FGD3: variants seen among roughly 807,000 people sequenced by gnomAD.
FGD3 encodes FYVE, RhoGEF and PH domain containing 3.
Under a neutral mutation model 71.8 loss-of-function variants are expected in FGD3, and 45 were observed. That is an observed-to-expected ratio of 0.63 (90% confidence interval 0.49 to 0.80). FGD3 has a LOEUF of 0.80. Ranked by LOEUF, FGD3 falls within the 30% of genes least tolerant of loss-of-function variation. FGD3 has a pLI of 0.00. For missense variants in FGD3, 844 were observed against 951.5 expected, an observed-to-expected ratio of 0.89 and a Z score of 1.49; for synonymous variants, 378 against 392.8, an observed-to-expected ratio of 0.96 and a Z score of 0.44.
intron 1 of FGD3, among the ~76,000 whole-genome samples, chr9:92,957,718 G>A (rs147529421): frequency 0.036 from 4,249 of 119,492 alleles, 101 homozygotes; most frequent in Middle Eastern, 0.079. Flanking sequence ...TCGCTCTGTT[G>A]CCCAGGCTGG....
chr9:93,002,759 A>G (rs1860902968), intron 3 of FGD3, among the ~76,000 whole-genome samples, 166 bp from the exon 4 acceptor site: 1 of 152,166 alleles, frequency 6.6e-6, no homozygotes, highest in African/African-American at 2.4e-5. Context: ...ATGAGAACTG[A>G]GCACCACATC....
chr9:92,976,539 G>A lies in FGD3; in HGVS notation c.283G>A (p.Gly95Ser), dbSNP rs757245016. Residue 95 changes from glycine to serine, a missense_variant, in exon 3 of 18, where the codon GGC (glycine) becomes AGC (serine). Physicochemically the swap from Gly to Ser is moderately conservative, Grantham distance 56. Transcript: ENST00000375482. ...VAGENFPCEEGLEAGPSPTVL... is the reference protein window; with the variant it reads ...VAGENFPCEESLEAGPSPTVL... ...TGGAGAGAACTTTCCCTGCGAGGAG[G>A]GCTTGGAGGCTGGCCCAAGCCCCAC... is the stretch of plus-strand genomic sequence containing the variant. 1 of 1,612,638 alleles carries A rather than the reference G, an allele frequency of 6.2e-7. No individual in the cohort carries two copies. Among genetic ancestry groups the A allele is most frequent in the Non-Finnish European group, 8.5e-7 (1 of 1,179,832 alleles).
chr9:92,989,413 A>G (rs1860315103), intron 3 of FGD3, among the ~76,000 whole-genome samples: 1 of 152,240 alleles, frequency 6.6e-6, no homozygotes, highest in African/African-American at 2.4e-5. Context: ...GGCGTGAGCC[A>G]CCGCACCTGG....
chr9:93,014,312 G>C (rs1861570697), intron 9 of FGD3, among the ~76,000 whole-genome samples: 1 of 152,082 alleles, frequency 6.6e-6, no homozygotes, highest in African/African-American at 2.4e-5. Flanking sequence ...GTAGCAACCA[G>C]GACAGCACAG....
chr9:92,981,466 A>C (rs1373710239), intron 3 of FGD3, among the ~76,000 whole-genome samples: 7 of 151,956 alleles, frequency 4.6e-5, no homozygotes, highest in African/African-American at 1.7e-4. Context: ...TATATGGTCT[A>C]TCCTGGAGAA....
intron 10 of FGD3, among the ~76,000 whole-genome samples, chr9:93,017,172 G>A (rs1330113919): frequency 6.6e-6 from 1 of 152,144 alleles, no homozygotes; most frequent in Non-Finnish European, 1.5e-5. Flanking sequence ...GGAGGCTGAG[G>A]TGGGAGAATT....
At chr9:92,963,765 G>C (rs904795601) in intron 1 of FGD3, among the ~76,000 whole-genome samples, 1 of 152,238 alleles carries the variant, frequency 6.6e-6, no homozygotes, top group Non-Finnish European at 1.5e-5. Context: ...CAGCGGGGCA[G>C]GTGCTGGGCC....
chr9:92,970,947 A>G (rs1490711489), intron 1 of FGD3, among the ~76,000 whole-genome samples: 2 of 152,162 alleles, frequency 1.3e-5, no homozygotes, highest in East Asian at 3.9e-4. Flanking sequence ...CTGCCCCTCT[A>G]TCCAGCTCTC....
intron 14 of FGD3, among the ~76,000 whole-genome samples, chr9:93,023,272 C>T (rs1587866697): frequency 6.6e-6 from 1 of 152,210 alleles, no homozygotes; most frequent in Non-Finnish European, 1.5e-5. Flanking sequence ...GCTGCCCCCT[C>T]CCATGACCTG....
At chr9:93,013,209 C>T (rs1048803723) in intron 8 of FGD3, among the ~76,000 whole-genome samples, 5 of 152,234 alleles carry the variant, frequency 3.3e-5, no homozygotes, top group African/African-American at 7.2e-5. Context: ...GTGCCAGAGA[C>T]GGAAGGGTCA....
At chr9:93,019,575 A>G (rs536929181) in intron 11 of FGD3, among the ~76,000 whole-genome samples, 20 of 152,180 alleles carry the variant, frequency 1.3e-4, no homozygotes, top group Admixed American at 2.6e-4. Flanking sequence ...ACACCCCACC[A>G]ACAGTGGGAT....
chr9:92,991,020 A>T (rs1055745246), intron 3 of FGD3, among the ~76,000 whole-genome samples: 3 of 152,188 alleles, frequency 2.0e-5, no homozygotes, highest in Non-Finnish European at 4.4e-5. Context: ...GTTCAGTAGA[A>T]TTCAGTGGTG....
At chr9:93,018,796 C>A (rs74490230) in intron 11 of FGD3, among the ~76,000 whole-genome samples, 7,046 of 152,260 alleles carry the variant, frequency 0.046, 255 homozygotes, top group South Asian at 0.15. Context: ...AGCCTCTGCC[C>A]ACCTCCTGTT....
intron 1 of FGD3, among the ~76,000 whole-genome samples, chr9:92,951,639 C>G (rs1219296525): frequency 6.6e-6 from 1 of 152,224 alleles, no homozygotes; most frequent in East Asian, 1.9e-4. Flanking sequence ...TGTGCCACTG[C>G]ACTCTAGCCT....
intron 8 of FGD3, among the ~76,000 whole-genome samples, chr9:93,013,357 A>G (rs997417909): frequency 1.3e-5 from 2 of 152,198 alleles, no homozygotes; most frequent in African/African-American, 4.8e-5. Context: ...GCGTTCTGCT[A>G]CACTGGCGTC....
At chr9:93,032,719 T>C (rs1282318722) in intron 15 of FGD3, 50 bp from the exon 16 acceptor site, 1 of 1,572,406 alleles carries the variant, frequency 6.4e-7, no homozygotes, top group Non-Finnish European at 8.7e-7. Flanking sequence ...TCTTCCTGGA[T>C]AATCCTCTGT....
chr9:93,033,307 CCTCCTCCTCCCCGTCCCCTTCT>C (rs1862434255), intron 16 of FGD3: 1 of 262,106 alleles, frequency 3.8e-6, no homozygotes. Context: ...GTCCCCTTCT[CCTCCTCCTCCCCGTCCCCTTCT>C]CCTCCTCCTC....
intron 3 of FGD3, among the ~76,000 whole-genome samples, chr9:92,989,918 G>GT (rs1860338401): frequency 3.1e-5 from 2 of 64,358 alleles, no homozygotes; most frequent in African/African-American, 1.3e-4. Context: ...ACCTTGTAGA[G>GT]GTTTTTTTTT....
At chr9:92,992,611 G>C (rs1359059731) in intron 3 of FGD3, among the ~76,000 whole-genome samples, 1 of 152,086 alleles carries the variant, frequency 6.6e-6, no homozygotes, top group Non-Finnish European at 1.5e-5. Context: ...CTGGGCCCAA[G>C]CTCTATGCAT....
Sources: allele counts gnomAD v4.1 joint callset (sites outside exome capture counted in the v4.1 genomes callset), GRCh38; gene constraint gnomAD v4.1.1; transcripts MANE v1.5; gene names NCBI Gene and HGNC (gene_info 2026-07-23, HGNC 2026-07-21).